AGBL4: variants seen among roughly 807,000 people sequenced by gnomAD.
AGBL4 encodes AGBL carboxypeptidase 4.
Under a neutral mutation model 66.4 loss-of-function variants are expected in AGBL4, and 58 were observed. That is an observed-to-expected ratio of 0.87 (90% CI 0.71 to 1.09). The LOEUF (loss-of-function observed/expected upper bound fraction) is 1.09. Among genes scored for constraint, AGBL4 ranks in the 50% least tolerant of loss-of-function variants. The pLI, the probability that AGBL4 is intolerant of heterozygous loss-of-function variation, is 0.00. For synonymous variants in AGBL4, 234 were observed against 222.9 expected, an observed-to-expected ratio of 1.05 and a Z score of -0.44; for missense variants, 579 against 631.0, an observed-to-expected ratio of 0.92 and a Z score of 0.88.
chr1:49,258,603 AG>A (rs1652780914), intron 3 of AGBL4, among the ~76,000 whole-genome samples: 1 of 152,202 alleles, frequency 6.6e-6, no homozygotes, highest in Non-Finnish European at 1.5e-5. Flanking sequence ...GGAAGTTTAG[AG>A]AAAAAAGAAT....
At chr1:48,752,859 C>T (rs1161291071) in intron 6 of AGBL4, among the ~76,000 whole-genome samples, 1 of 152,094 alleles carries the variant, frequency 6.6e-6, no homozygotes, top group Non-Finnish European at 1.5e-5. Context: ...AAGCTATTCT[C>T]CTGCCTCAGC....
chr1:49,592,921 GCAAT>G (rs1644779722), intron 3 of AGBL4, among the ~76,000 whole-genome samples: 1 of 152,132 alleles, frequency 6.6e-6, no homozygotes, highest in Non-Finnish European at 1.5e-5. Flanking sequence ...TGTTTAACTA[GCAAT>G]TTAATCAAAT....
intron 5 of AGBL4, among the ~76,000 whole-genome samples, chr1:48,982,566 G>A (rs1216936905): frequency 6.6e-6 from 1 of 152,102 alleles, no homozygotes. Flanking sequence ...ATTCCATGGT[G>A]TATATGTGCC....
At chr1:49,777,080 G>A (rs1014493148) in intron 2 of AGBL4, among the ~76,000 whole-genome samples, 3 of 152,124 alleles carry the variant, frequency 2.0e-5, no homozygotes, top group Non-Finnish European at 4.4e-5. Flanking sequence ...TTTGAAAATA[G>A]CATGAGATTT....
chr1:49,896,700 C>CA (rs375769165), intron 1 of AGBL4, among the ~76,000 whole-genome samples: 50 of 140,482 alleles, frequency 3.6e-4, no homozygotes, highest in East Asian at 1.7e-3. Flanking sequence ...CAAAAATTCT[C>CA]AAAAAAAAAA....
intron 2 of AGBL4, among the ~76,000 whole-genome samples, chr1:49,848,890 A>G (rs1646228248): frequency 6.6e-6 from 1 of 152,232 alleles, no homozygotes; most frequent in Non-Finnish European, 1.5e-5. Context: ...GATATGCAAA[A>G]TAACTGCACT....
rs116881812 is a variant in AGBL4, at chr1:49,404,373, A to G, written c.283-158509T>C. On this transcript the variant is annotated intron_variant, in intron 3 of 13. Coordinates refer to ENST00000371839, the MANE Select transcript of AGBL4 (RefSeq NM_032785.4). ...GAAAGAGAACCCTCACTAGAAGCCAAATTTGCCACTATCTTGATCATGGAC... is the reference window on the plus strand; with the variant it reads ...GAAAGAGAACCCTCACTAGAAGCCAGATTTGCCACTATCTTGATCATGGAC... Among the ~76,000 whole-genome samples, 92 of 152,276 alleles carry G rather than the reference A, an allele frequency of 6.0e-4. 1 individual carries two copies. In the East Asian group the frequency reaches 0.014, roughly 23 times the overall value.
At chr1:49,078,940 G>A (rs1282527916) in intron 4 of AGBL4, among the ~76,000 whole-genome samples, 2 of 152,134 alleles carry the variant, frequency 1.3e-5, no homozygotes, top group Non-Finnish European at 2.9e-5. Context: ...CCTTACTGCA[G>A]ACTTCCAAGT....
chr1:49,374,860 C>T (rs145937246), intron 3 of AGBL4, among the ~76,000 whole-genome samples: 1 of 152,218 alleles, frequency 6.6e-6, no homozygotes, highest in East Asian at 1.9e-4. Context: ...TTTTAGTTGA[C>T]CATGTCATAC....
At chr1:48,767,062 C>T (rs1388778045) in intron 6 of AGBL4, among the ~76,000 whole-genome samples, 2 of 152,192 alleles carry the variant, frequency 1.3e-5, no homozygotes, top group African/African-American at 2.4e-5. Context: ...TAGAAGATTA[C>T]TGAACATTCA....
chr1:49,714,967 A>T (rs541464166), intron 2 of AGBL4, among the ~76,000 whole-genome samples: 51 of 151,730 alleles, frequency 3.4e-4, no homozygotes, highest in Non-Finnish European at 5.8e-4. Context: ...TTTAATTTTT[A>T]AAAATTTTTT....
intron 2 of AGBL4, among the ~76,000 whole-genome samples, chr1:49,835,399 C>CT (rs573472859): frequency 2.6e-5 from 4 of 152,054 alleles, no homozygotes; most frequent in East Asian, 1.9e-4. Flanking sequence ...GCAACCCCTG[C>CT]TTTTTTTTCC....
intron 1 of AGBL4, among the ~76,000 whole-genome samples, chr1:49,908,772 G>C (rs1425793124): frequency 1.3e-5 from 2 of 152,022 alleles, no homozygotes; most frequent in Admixed American, 1.3e-4. Flanking sequence ...AAATAAAAAA[G>C]GGGGTGGGTC....
intron 3 of AGBL4, among the ~76,000 whole-genome samples, chr1:49,309,233 T>C (rs1343127766): frequency 6.6e-6 from 1 of 152,136 alleles, no homozygotes; most frequent in African/African-American, 2.4e-5. Context: ...CTACTGTTGA[T>C]GGCAATGATT....
rs1388499073 is a variant in AGBL4, at chr1:48,842,281, G to C, written c.634+24910C>G. ...TTCCTTTTTCTTTTTTTTTCTAGGA[G>C]AGGTGGATGAGTGTATTTCACTGAA... is the stretch of plus-strand genomic sequence containing the variant. On this transcript the variant is annotated intron_variant, in intron 6 of 13. Coordinates refer to ENST00000371839, the MANE Select transcript of AGBL4 (RefSeq NM_032785.4). Among the ~76,000 whole-genome samples, 2 of 151,770 alleles carry C rather than the reference G, an allele frequency of 1.3e-5. 1 individual carries two copies. The highest frequency in any genetic ancestry group is 2.9e-5 in the Non-Finnish European group (2 of 67,970).
intron 3 of AGBL4, among the ~76,000 whole-genome samples, chr1:49,612,375 A>G (rs897671420): frequency 2.6e-5 from 4 of 152,214 alleles, no homozygotes; most frequent in African/African-American, 7.2e-5. Context: ...TATTTTCACA[A>G]TATTTACAAT....
rs1050932328 is a variant in AGBL4, at chr1:49,742,971, C to T, written c.158-45534G>A. On this transcript the variant is annotated intron_variant, in intron 2 of 13. Coordinates refer to ENST00000371839, the MANE Select transcript of AGBL4 (RefSeq NM_032785.4). ...CCCTAGAAAAAAACCTACGCAATACCATTCAGGACATAGGCATGGGCAAGG... is the reference window on the plus strand; with the variant it reads ...CCCTAGAAAAAAACCTACGCAATACTATTCAGGACATAGGCATGGGCAAGG... Among the ~76,000 whole-genome samples the T allele has an allele frequency of 3.3e-5, 5 of 152,112 alleles. No homozygotes were observed. In the East Asian group the frequency reaches 9.6e-4, roughly 29 times the overall value.
At chr1:49,519,466 G>T (rs75719009) in intron 3 of AGBL4, among the ~76,000 whole-genome samples, 4 of 151,860 alleles carry the variant, frequency 2.6e-5, no homozygotes, top group Non-Finnish European at 5.9e-5. Context: ...ATTTAATACC[G>T]GAGTTCATCC....
intron 1 of AGBL4, among the ~76,000 whole-genome samples, chr1:49,887,449 G>T (rs1455840954): frequency 6.6e-6 from 1 of 151,920 alleles, no homozygotes; most frequent in Non-Finnish European, 1.5e-5. Flanking sequence ...GTTCTAAAAT[G>T]AAAGGCCCGG....
Sources: allele counts gnomAD v4.1 joint callset (sites outside exome capture counted in the v4.1 genomes callset), GRCh38; gene constraint gnomAD v4.1.1; transcripts MANE v1.5; gene names NCBI Gene and HGNC (gene_info 2026-07-23, HGNC 2026-07-21).